The following TMC1 variants were observed in gnomAD, a reference collection of about 807,000 sequenced individuals.
TMC1 encodes the protein transmembrane channel-like protein 1.
Under a neutral mutation model 105.8 loss-of-function variants are expected in TMC1, and 84 were observed. The ratio of observed to expected loss-of-function variants is 0.79; its 90% CI spans 0.67 to 0.95. The LOEUF (loss-of-function observed/expected upper bound fraction) is 0.95, where lower values mean the gene tolerates loss of function less well. Ranked by LOEUF, TMC1 falls within the 40% of genes least tolerant of loss-of-function variation. The pLI is 0.00. For missense variants in TMC1, 817 were observed against 914.1 expected, an observed-to-expected ratio of 0.89 and a Z score of 1.37; for synonymous variants, 315 against 311.5, an observed-to-expected ratio of 1.01 and a Z score of -0.12.
At chr9:72,650,884 A>C (rs1207005600) in intron 5 of TMC1, among the ~76,000 whole-genome samples, 1 of 100,650 alleles carries the variant, frequency 9.9e-6, no homozygotes, top group East Asian at 2.2e-4. Flanking sequence ...ATATATATAG[A>C]TATATAGATA....
chr9:72,548,107 C>T (rs563852538), intron 1 of TMC1, among the ~76,000 whole-genome samples: 1 of 152,312 alleles, frequency 6.6e-6, no homozygotes, highest in African/African-American at 2.4e-5. Flanking sequence ...TAGCCTTCAA[C>T]ACAGGAATTT....
intron 3 of TMC1, among the ~76,000 whole-genome samples, chr9:72,625,683 G>C (rs1587997141): frequency 7.5e-6 from 1 of 132,524 alleles, no homozygotes; most frequent in African/African-American, 3.0e-5. Context: ...GCGAGACTCT[G>C]TCTCAAAAAA....
chr9:72,595,284 C>T (rs1824700283), intron 2 of TMC1, among the ~76,000 whole-genome samples: 3 of 152,184 alleles, frequency 2.0e-5, no homozygotes, highest in Admixed American at 6.5e-5. Flanking sequence ...GACAGAACTT[C>T]TGTGTATGGC....
chr9:72,570,667 C>A (rs1166399301), intron 1 of TMC1, among the ~76,000 whole-genome samples: 4 of 141,756 alleles, frequency 2.8e-5, no homozygotes, highest in Non-Finnish European at 6.0e-5. Context: ...CTACACTTTG[C>A]CAAATTTCCT....
At chr9:72,657,671 T>A (rs1358691152) in intron 5 of TMC1, among the ~76,000 whole-genome samples, 3 of 152,194 alleles carry the variant, frequency 2.0e-5, no homozygotes, top group Non-Finnish European at 4.4e-5. Context: ...ATATGGTATG[T>A]TATAATCGGA....
intron 1 of TMC1, among the ~76,000 whole-genome samples, chr9:72,545,095 A>G (rs546361920): frequency 6.6e-6 from 1 of 151,796 alleles, no homozygotes; most frequent in Non-Finnish European, 1.5e-5. Flanking sequence ...TGCCATTAAT[A>G]TGTTCCTTTT....
chr9:72,780,525 G>T (rs573666822), intron 13 of TMC1, among the ~76,000 whole-genome samples: 2 of 152,252 alleles, frequency 1.3e-5, no homozygotes, highest in South Asian at 4.1e-4. Context: ...CATCTCACAT[G>T]CAGTGACACC....
chr9:72,741,902 T>G (rs765538523), intron 9 of TMC1, among the ~76,000 whole-genome samples: 3 of 152,218 alleles, frequency 2.0e-5, no homozygotes, highest in Non-Finnish European at 4.4e-5. Context: ...CCAATCTGCC[T>G]CTACCAGAAT....
At chr9:72,560,844 C>T (rs2132079152) in intron 1 of TMC1, among the ~76,000 whole-genome samples, 1 of 151,946 alleles carries the variant, frequency 6.6e-6, no homozygotes, top group African/African-American at 2.4e-5. Flanking sequence ...CTCAACTAAA[C>T]TTCATTTTAC....
intron 8 of TMC1, among the ~76,000 whole-genome samples, chr9:72,705,463 A>G (rs1667783324): frequency 6.6e-6 from 1 of 152,120 alleles, no homozygotes; most frequent in South Asian, 2.1e-4. Context: ...TCCAAAGTCA[A>G]GCAGTTTGGT....
chr9:72,688,125 A>G (rs1279330663), intron 5 of TMC1, among the ~76,000 whole-genome samples: 2 of 152,136 alleles, frequency 1.3e-5, no homozygotes, highest in Admixed American at 6.6e-5. Flanking sequence ...AAAATCACCT[A>G]TCTCCATGTT....
intron 1 of TMC1, among the ~76,000 whole-genome samples, chr9:72,568,616 G>A (rs536784882): frequency 6.6e-6 from 1 of 152,182 alleles, no homozygotes; most frequent in Non-Finnish European, 1.5e-5. Context: ...TACCTTAAAT[G>A]TTCTTGACCT....
chr9:72,686,787 G>A (rs947567980), intron 5 of TMC1, among the ~76,000 whole-genome samples: 7 of 152,334 alleles, frequency 4.6e-5, no homozygotes, highest in African/African-American at 1.4e-4. Context: ...CAACTCAAGA[G>A]GAGGGACTGG....
At chr9:72,605,266 C>T (rs1389380108) in intron 2 of TMC1, among the ~76,000 whole-genome samples, 1 of 152,190 alleles carries the variant, frequency 6.6e-6, no homozygotes, top group Non-Finnish European at 1.5e-5. Context: ...CTTAAAACAA[C>T]AATTTATTAT....
chr9:72,734,022 A>G (rs1827257936), intron 8 of TMC1, among the ~76,000 whole-genome samples: 1 of 152,206 alleles, frequency 6.6e-6, no homozygotes, highest in African/African-American at 2.4e-5. Context: ...TGTGACAGTC[A>G]ATCTGAGAAC....
chr9:72,636,942 A>G (rs1825544406), intron 4 of TMC1, among the ~76,000 whole-genome samples: 1 of 152,078 alleles, frequency 6.6e-6, no homozygotes, highest in African/African-American at 2.4e-5. Flanking sequence ...ACGTTCTCCA[A>G]TTCAGAAGGC....
chr9:72,744,119 A>T (rs963494849), intron 10 of TMC1, among the ~76,000 whole-genome samples: 1 of 152,224 alleles, frequency 6.6e-6, no homozygotes, highest in African/African-American at 2.4e-5. Flanking sequence ...TCAGATGGGA[A>T]TTATTAAGTG....
At chr9:72,522,154 G>GTTTTTTTTTT (rs66973360) in intron 1 of TMC1, among the ~76,000 whole-genome samples, 4 of 47,748 alleles carry the variant, frequency 8.4e-5, no homozygotes, top group Admixed American at 2.2e-4. Flanking sequence ...TAATTGATAA[G>GTTTTTTTTTT]TTTTTTTTTT....
chr9:72,694,355 A>C (rs1440372139), intron 6 of TMC1, among the ~76,000 whole-genome samples, 188 bp from the exon 7 acceptor site: 1 of 152,222 alleles, frequency 6.6e-6, no homozygotes, highest in African/African-American at 2.4e-5. Flanking sequence ...GGAAATGGAA[A>C]TCTAGATACA....
Sources: gnomAD v4.1 joint callset for allele counts (sites outside exome capture counted in the v4.1 genomes callset) on GRCh38, gnomAD v4.1.1 for gene constraint, MANE v1.5 for transcripts, NCBI Gene and HGNC (gene_info 2026-07-23, HGNC 2026-07-21) for gene names.